CCSER1: variants seen among roughly 807,000 people sequenced by gnomAD.
CCSER1 encodes the protein serine-rich coiled-coil domain-containing protein 1.
A neutral mutation model predicts 82.0 loss-of-function variants in CCSER1; 41 were observed. That is an observed-to-expected ratio of 0.50 (90% CI 0.39 to 0.65). The LOEUF (loss-of-function observed/expected upper bound fraction) is 0.65, where lower values mean the gene tolerates loss of function less well. CCSER1 is among the 30% of genes least tolerant of loss of function. The pLI is 0.00. For synonymous variants in CCSER1, 414 were observed against 383.9 expected, an observed-to-expected ratio of 1.08 and a Z score of -0.92; for missense variants, 1,119 against 1,064.2, an observed-to-expected ratio of 1.05 and a Z score of -0.72.
intron 10 of CCSER1, among the ~76,000 whole-genome samples, chr4:91,265,684 A>G (rs1434414077): frequency 6.6e-6 from 1 of 152,128 alleles, no homozygotes; most frequent in African/African-American, 2.4e-5. Context: ...TTTAAATTGT[A>G]TTGTTATTAA....
intron 7 of CCSER1, among the ~76,000 whole-genome samples, chr4:90,740,062 T>A (rs1337765091): frequency 6.6e-6 from 1 of 152,204 alleles, no homozygotes; most frequent in East Asian, 1.9e-4. Flanking sequence ...CCTTCGTCAC[T>A]ATATCCCTCA....
chr4:90,524,610 G>A (rs942461602), intron 5 of CCSER1, among the ~76,000 whole-genome samples: 9 of 151,854 alleles, frequency 5.9e-5, no homozygotes, highest in East Asian at 1.9e-4. Flanking sequence ...CTGGGACTAC[G>A]GGCGCGTGCC....
chr4:90,890,288 G>A (rs780864052), intron 8 of CCSER1, among the ~76,000 whole-genome samples: 6 of 152,112 alleles, frequency 3.9e-5, no homozygotes, highest in Admixed American at 6.5e-5. Flanking sequence ...ATTTCCCTGG[G>A]CTTCAGACTC....
intron 1 of CCSER1, among the ~76,000 whole-genome samples, chr4:90,198,750 C>A (rs190615542): frequency 6.6e-6 from 1 of 151,964 alleles, no homozygotes; most frequent in African/African-American, 2.4e-5. Context: ...CAAACCCATC[C>A]GTCCAAAAAG....
chr4:90,904,982 G>A (rs2150165071), intron 8 of CCSER1, among the ~76,000 whole-genome samples: 1 of 152,044 alleles, frequency 6.6e-6, no homozygotes, highest in South Asian at 2.1e-4. Context: ...CCATCAACCA[G>A]CCTCCCATTT....
intron 9 of CCSER1, among the ~76,000 whole-genome samples, chr4:90,932,972 AAGAAAGAAAGAGAAAG>A (rs1730193368): frequency 2.5e-5 from 1 of 40,084 alleles, no homozygotes; most frequent in East Asian, 5.2e-4. Context: ...GAAAGAAAGA[AAGAAAGAAAGAGAAAG>A]AAAGAAAGAA....
intron 6 of CCSER1, chr4:90,693,503 G>GT (rs1736408467): frequency 6.6e-6 from 1 of 151,862 alleles, no homozygotes; most frequent in Admixed American, 6.6e-5. Flanking sequence ...AGTCGAGTGA[G>GT]TATTTCATTG....
intron 7 of CCSER1, among the ~76,000 whole-genome samples, chr4:90,814,222 G>C (rs548911790): frequency 6.6e-5 from 10 of 152,260 alleles, no homozygotes; most frequent in Admixed American, 3.3e-4. Context: ...ATGGCCCAAG[G>C]CTACACAGAG....
At chr4:90,999,901 G>T in intron 9 of CCSER1, among the ~76,000 whole-genome samples, 1 of 141,248 alleles carries the variant, frequency 7.1e-6, no homozygotes, top group Non-Finnish European at 1.5e-5. Context: ...TTTTTCCCTA[G>T]GATTCTTATA....
chr4:90,447,732 A>C (rs1760851207), intron 4 of CCSER1, among the ~76,000 whole-genome samples: 1 of 152,198 alleles, frequency 6.6e-6, no homozygotes, highest in Non-Finnish European at 1.5e-5. Context: ...AGTCAAAACA[A>C]CTTTGGGCTG....
intron 9 of CCSER1, among the ~76,000 whole-genome samples, chr4:90,986,805 A>G (rs1348036743): frequency 6.6e-6 from 1 of 151,728 alleles, no homozygotes; most frequent in Non-Finnish European, 1.5e-5. Flanking sequence ...TACAATTTCG[A>G]TATTATTACA....
chr4:90,651,016 T>G (rs1728654449), intron 6 of CCSER1, among the ~76,000 whole-genome samples: 1 of 152,220 alleles, frequency 6.6e-6, no homozygotes, highest in East Asian at 1.9e-4. Context: ...TTTAATGTCT[T>G]CAATTCTGTT....
chr4:90,348,727 C>T (rs772600721), intron 3 of CCSER1, among the ~76,000 whole-genome samples: 63 of 151,920 alleles, frequency 4.1e-4, no homozygotes, highest in Non-Finnish European at 7.5e-4. Context: ...AAAGAAAAAA[C>T]GTAGTGAATT....
chr4:90,548,829 C>T (rs1287423714), intron 5 of CCSER1, among the ~76,000 whole-genome samples: 2 of 151,582 alleles, frequency 1.3e-5, no homozygotes, highest in East Asian at 3.9e-4. Flanking sequence ...TTACTCTGTA[C>T]TATTTTCAAA....
chr4:91,444,833 C>G (rs1755446939), intron 10 of CCSER1, among the ~76,000 whole-genome samples: 1 of 152,164 alleles, frequency 6.6e-6, no homozygotes, highest in Non-Finnish European at 1.5e-5. Flanking sequence ...GTTTGTTGTC[C>G]TTGCTTGCTT....
At chr4:91,552,345 C>A (rs370798986) in intron 10 of CCSER1, among the ~76,000 whole-genome samples, 1 of 151,668 alleles carries the variant, frequency 6.6e-6, no homozygotes, top group Non-Finnish European at 1.5e-5. Flanking sequence ...ACTTTCCAGG[C>A]ACCATTCTGA....
intron 5 of CCSER1, among the ~76,000 whole-genome samples, chr4:90,534,777 T>C (rs1261174270): frequency 6.6e-6 from 1 of 152,198 alleles, no homozygotes; most frequent in African/African-American, 2.4e-5. Context: ...TAGAGTATTT[T>C]TGGATTAGAT....
At position 91,049,330 on chromosome 4, in the gene CCSER1, A is replaced by G. The variant is rs552115064; in HGVS notation, c.2173-36620A>G. 2.0e-3 allele frequency among the ~76,000 whole-genome samples: 309 copies of G among 152,272 alleles called. 1 individual carries two copies. The highest frequency in any genetic ancestry group is 0.013 in the South Asian group (63 of 4,824). On this transcript the variant is annotated intron_variant, in intron 9 of 10. Transcript: ENST00000509176. ...TTCAATGCACCTATTTGAATCCTTT[A>G]CATGTCACATGCTTGTGAATTTTTG...
At chr4:90,176,606 T>C (rs938989413) in intron 1 of CCSER1, among the ~76,000 whole-genome samples, 2 of 152,038 alleles carry the variant, frequency 1.3e-5, no homozygotes, top group African/African-American at 2.4e-5. Context: ...ACTTTTTTTT[T>C]CCCATAAGAG....
Sources: gnomAD v4.1 joint callset for allele counts (sites outside exome capture counted in the v4.1 genomes callset) on GRCh38, gnomAD v4.1.1 for gene constraint, MANE v1.5 for transcripts, NCBI Gene and HGNC (gene_info 2026-07-23, HGNC 2026-07-21) for gene names.